Variants in KCNH8 observed in about 807,000 individuals in gnomAD.
KCNH8 encodes the protein voltage-gated delayed rectifier potassium channel KCNH8.
A neutral mutation model predicts 103.6 loss-of-function variants in KCNH8; 70 were observed. The ratio of observed to expected loss-of-function variants is 0.68; its 90% CI spans 0.56 to 0.82. KCNH8 has a LOEUF of 0.82. KCNH8 is among the 40% of genes least tolerant of loss of function. The probability of loss-of-function intolerance (pLI) is 0.00; values close to 1 mark genes in which losing one functional copy is unlikely to be tolerated. For missense variants in KCNH8, 1,217 were observed against 1,329.9 expected, an observed-to-expected ratio of 0.92 and a Z score of 1.32; for synonymous variants, 498 against 489.4, an observed-to-expected ratio of 1.02 and a Z score of -0.23.
At chr3:19,244,827 T>G (rs1346521556) in intron 1 of KCNH8, among the ~76,000 whole-genome samples, 1 of 152,154 alleles carries the variant, frequency 6.6e-6, no homozygotes, top group Non-Finnish European at 1.5e-5. Flanking sequence ...TTTTTTTGTT[T>G]GTTGGTTTGT....
chr3:19,365,869 A>AT (rs2066004945), intron 5 of KCNH8, among the ~76,000 whole-genome samples: 1 of 152,118 alleles, frequency 6.6e-6, no homozygotes, highest in Admixed American at 6.6e-5. Context: ...TGACATTTAA[A>AT]TAATGACAGA....
intron 7 of KCNH8, among the ~76,000 whole-genome samples, chr3:19,402,516 T>A (rs1362846242): frequency 6.6e-6 from 1 of 151,890 alleles, no homozygotes; most frequent in African/African-American, 2.4e-5. Context: ...TATAGAATTA[T>A]GATGTGTTAT....
chr3:19,432,565 T>G (rs1183809501), intron 7 of KCNH8, among the ~76,000 whole-genome samples: 2 of 152,194 alleles, frequency 1.3e-5, no homozygotes, highest in Non-Finnish European at 2.9e-5. Context: ...CCTGATGTAA[T>G]GCAAGTGATG....
chr3:19,240,986 C>G (rs1293448838), intron 1 of KCNH8, among the ~76,000 whole-genome samples: 1 of 152,130 alleles, frequency 6.6e-6, no homozygotes, highest in East Asian at 1.9e-4. Flanking sequence ...CTCTACTAGT[C>G]TTCCCAGTCT....
At chr3:19,477,446 T>C (rs994549478) in intron 11 of KCNH8, among the ~76,000 whole-genome samples, 4 of 151,806 alleles carry the variant, frequency 2.6e-5, no homozygotes, top group Admixed American at 6.6e-5. Context: ...TTAACTGTAA[T>C]TTCTATGTGA....
At chr3:19,498,453 C>T (rs951467017) in intron 11 of KCNH8, among the ~76,000 whole-genome samples, 5 of 152,070 alleles carry the variant, frequency 3.3e-5, no homozygotes, top group Admixed American at 2.6e-4. Context: ...TAATGAATTC[C>T]CTCAGCGCTG....
intron 1 of KCNH8, among the ~76,000 whole-genome samples, chr3:19,201,254 A>AAAAAAAAAAAAAAAG (rs1559419872): frequency 5.6e-5 from 8 of 143,512 alleles, no homozygotes; most frequent in Non-Finnish European, 9.3e-5. Context: ...AAAAAAAAAA[A>AAAAAAAAAAAAAAAG]AAAAAAAAGA....
chr3:19,232,902 G>T (rs537197814), intron 1 of KCNH8, among the ~76,000 whole-genome samples: 5 of 152,168 alleles, frequency 3.3e-5, no homozygotes, highest in African/African-American at 4.8e-5. Flanking sequence ...ATGAGGAACA[G>T]CTGATTTTTA....
At chr3:19,363,115 G>C (rs1033457262) in intron 5 of KCNH8, among the ~76,000 whole-genome samples, 2 of 152,078 alleles carry the variant, frequency 1.3e-5, no homozygotes, top group Non-Finnish European at 2.9e-5. Context: ...TTAAAGGAGC[G>C]GAGGCTTTTT....
At chr3:19,169,205 C>T (rs1468961959) in intron 1 of KCNH8, among the ~76,000 whole-genome samples, 4 of 151,960 alleles carry the variant, frequency 2.6e-5, no homozygotes, top group Admixed American at 2.0e-4. Flanking sequence ...CTTAGAAACT[C>T]CACCCCAAAT....
intron 14 of KCNH8, among the ~76,000 whole-genome samples, chr3:19,516,084 G>C (rs944888926): frequency 6.6e-6 from 1 of 152,034 alleles, no homozygotes; most frequent in Non-Finnish European, 1.5e-5. Context: ...GATAAAAAGA[G>C]AATAGTGAAC....
intron 8 of KCNH8, among the ~76,000 whole-genome samples, chr3:19,446,080 AAT>A (rs1400599210): frequency 2.0e-5 from 3 of 152,098 alleles, no homozygotes; most frequent in South Asian, 4.1e-4. Flanking sequence ...ATTATCAAAA[AAT>A]AGTTTTCCAG....
chr3:19,375,675 A>G (rs898294384), intron 5 of KCNH8, among the ~76,000 whole-genome samples: 2 of 152,138 alleles, frequency 1.3e-5, no homozygotes, highest in African/African-American at 4.8e-5. Flanking sequence ...GGAGGAGGAG[A>G]GGCACTCTGG....
chr3:19,387,421 C>T (rs943823110), intron 5 of KCNH8, among the ~76,000 whole-genome samples: 3 of 152,136 alleles, frequency 2.0e-5, no homozygotes, highest in Non-Finnish European at 4.4e-5. Context: ...ACTTAAATCT[C>T]CTGTGTCATT....
In KCNH8 at chr3:19,214,261, A is replaced by T. The variant is rs1458752537; in HGVS notation, c.77-39393A>T. Among the ~76,000 whole-genome samples the T allele has an allele frequency of 3.9e-5, 6 of 152,164 alleles. No homozygotes were observed. The East Asian group carries it at 1.2e-3, about 29-fold the overall frequency. ...AGTTACACTTTTATCAGAGTTAATA[A>T]TTCTCTATATTAAATGTTGTCTGTT... On this transcript the variant is annotated intron_variant, in intron 1 of 15. Coordinates refer to ENST00000328405, the MANE Select transcript of KCNH8 (RefSeq NM_144633.3).
chr3:19,372,936 C>G (rs1215337452), intron 5 of KCNH8, among the ~76,000 whole-genome samples: 1 of 151,860 alleles, frequency 6.6e-6, no homozygotes, highest in African/African-American at 2.4e-5. Context: ...TATATTGAAC[C>G]AGCCTTGCAT....
chr3:19,312,398 A>T (rs2065218958), intron 3 of KCNH8, among the ~76,000 whole-genome samples: 1 of 151,970 alleles, frequency 6.6e-6, no homozygotes. Context: ...ACCAACTTGG[A>T]AATGGGAAAC....
chr3:19,524,257 C>T (rs2069024123), intron 15 of KCNH8, among the ~76,000 whole-genome samples: 1 of 151,838 alleles, frequency 6.6e-6, no homozygotes, highest in South Asian at 2.1e-4. Flanking sequence ...TCTTCTTCAT[C>T]CTGATCATAT....
At chr3:19,386,441 G>A (rs915952875) in intron 5 of KCNH8, among the ~76,000 whole-genome samples, 1 of 152,004 alleles carries the variant, frequency 6.6e-6, no homozygotes, top group Non-Finnish European at 1.5e-5. Flanking sequence ...GTATTAGCCT[G>A]CTTATTTACT....
Sources: gnomAD v4.1 joint callset for allele counts (sites outside exome capture counted in the v4.1 genomes callset) on GRCh38, gnomAD v4.1.1 for gene constraint, MANE v1.5 for transcripts, NCBI Gene and HGNC (gene_info 2026-07-23, HGNC 2026-07-21) for gene names.